The following APOL1 variants were observed in gnomAD, a reference collection of about 807,000 sequenced individuals.
APOL1 encodes apolipoprotein L1, also known as apolipoprotein L 1.
APOL1 carries 17 observed loss-of-function variants against 14.9 expected under a neutral mutation model. That is an observed-to-expected ratio of 1.14 (90% CI 0.78 to 1.71). APOL1 has a LOEUF of 1.71. Ranked by LOEUF, APOL1 falls within the 40% of genes most tolerant of loss-of-function variation. APOL1 has a pLI of 0.00. For synonymous variants in APOL1, 195 were observed against 184.8 expected, an observed-to-expected ratio of 1.05 and a Z score of -0.45; for missense variants, 523 against 485.9, an observed-to-expected ratio of 1.08 and a Z score of -0.72.
At position 36,265,054 on chromosome 22, in the gene APOL1, A is replaced by G. The variant is rs558943825; in HGVS notation, c.315-97A>G. 67 of 1,457,220 alleles carry G rather than the reference A, an allele frequency of 4.6e-5. 2 individuals are homozygous for G. The South Asian group carries it at 5.2e-4, about 11-fold the overall frequency. 90.3% of individuals were successfully genotyped at this position (1,457,220 alleles called of 1,614,324 possible). ...TCTCAATCTCCTGACCTTGTGATCCACCCGCCTTGGCCTCCCAAAGTGCTG... is the reference window on the plus strand; with the variant it reads ...TCTCAATCTCCTGACCTTGTGATCCGCCCGCCTTGGCCTCCCAAAGTGCTG... On this transcript the variant is annotated intron_variant, in intron 5 of 5. Transcript: ENST00000397278.
intron 4 of APOL1, chr22:36,259,880 G>A: frequency 7.7e-7 from 1 of 1,303,284 alleles, no homozygotes; most frequent in Non-Finnish European, 1.0e-6. Context: ...ATGCTGTGGA[G>A]TTTGAGACAT....
rs531425087 is a variant in APOL1 at position 36,266,731 on chromosome 22, C to T, written c.*698C>T. ...CCATCCTGGCTAACACAGTGAAACC[C>T]CGTCTCTACTAAAAATACAAAAAAT... On this transcript the variant is annotated 3_prime_UTR_variant, in exon 6 of 6. Transcript: ENST00000397278. 60 of 337,626 alleles carry T rather than the reference C, an allele frequency of 1.8e-4. No individual in the cohort carries two copies. The highest frequency in any genetic ancestry group is 1.6e-3 in the Middle Eastern group (2 of 1,234). 20.9% of individuals were successfully genotyped at this position (337,626 alleles called of 1,614,324 possible).
At chr22:36,254,154 C>T (rs1439975372) in intron 1 of APOL1, among the ~76,000 whole-genome samples, 1 of 152,146 alleles carries the variant, frequency 6.6e-6, no homozygotes, top group Non-Finnish European at 1.5e-5. Context: ...CTGTGTGACT[C>T]TGGGAAATTC....
chr22:36,262,328 C>T (rs1006576624), intron 5 of APOL1, among the ~76,000 whole-genome samples: 1 of 152,162 alleles, frequency 6.6e-6, no homozygotes, highest in African/African-American at 2.4e-5. Flanking sequence ...AGTTGCACAG[C>T]GCTGGGTCTC....
rs2015741974 is a variant in APOL1, at chr22:36,253,170, G to A, written c.-69G>A. On this transcript the variant is annotated 5_prime_UTR_variant, in exon 1 of 6. Coordinates refer to ENST00000397278, the MANE Select transcript of APOL1 (RefSeq NM_003661.4). ...CATAACTGGAGGTGGGATCCACACA[G>A]CTCAGAACAGCTGGATCTTGCTCAG... The A allele has an allele frequency of 4.0e-6, 2 of 505,498 alleles. No homozygotes were observed. The highest frequency in any genetic ancestry group is 2.0e-5 in the Admixed American group (1 of 48,960). 31.3% of individuals were successfully genotyped at this position (505,498 alleles called of 1,614,324 possible). A position where few individuals can be genotyped will look rare whatever the true frequency, so the allele number is the denominator to read the frequency against.
intron 2 of APOL1, 58 bp from the exon 3 acceptor site, chr22:36,257,025 T>G (rs965491865): frequency 1.3e-5 from 20 of 1,585,058 alleles, no homozygotes; most frequent in Non-Finnish European, 1.7e-5. Context: ...CTCTGTAGTT[T>G]CTGTAATGAT....
At chr22:36,258,756 G>A (rs2015975872) in intron 4 of APOL1, among the ~76,000 whole-genome samples, 1 of 152,134 alleles carries the variant, frequency 6.6e-6, no homozygotes, top group African/African-American at 2.4e-5. Flanking sequence ...GAAGAGGTGG[G>A]GATTTCTTGG....
chr22:36,261,279 A>G (rs1326040706), intron 4 of APOL1, among the ~76,000 whole-genome samples: 4 of 152,216 alleles, frequency 2.6e-5, no homozygotes, highest in African/African-American at 9.6e-5. Context: ...GTGTGCTCAC[A>G]CAGTCTTCTT....
intron 1 of APOL1, chr22:36,253,907 A>G: frequency 1.9e-6 from 3 of 1,610,558 alleles, no homozygotes; most frequent in Non-Finnish European, 2.5e-6. Flanking sequence ...GAGACAGGGG[A>G]GTGAGAAGGG....
intron 4 of APOL1, among the ~76,000 whole-genome samples, chr22:36,260,552 C>T (rs1400398052): frequency 6.6e-6 from 1 of 152,244 alleles, no homozygotes; most frequent in Admixed American, 6.5e-5. Context: ...TGGCAGCTGA[C>T]TTCAGGAGTA....
intron 5 of APOL1, among the ~76,000 whole-genome samples, chr22:36,264,755 T>C (rs2016177101): frequency 6.6e-6 from 1 of 152,142 alleles, no homozygotes. Flanking sequence ...GCTCTGCAAT[T>C]TACACAGGAT....
intron 2 of APOL1, among the ~76,000 whole-genome samples, chr22:36,256,584 A>G (rs1040563629): frequency 2.0e-5 from 3 of 152,316 alleles, no homozygotes; most frequent in East Asian, 3.9e-4. Flanking sequence ...TAGAGAAGCA[A>G]CGGGGACACA....
intron 5 of APOL1, among the ~76,000 whole-genome samples, chr22:36,263,982 G>T (rs376438934): frequency 2.0e-5 from 3 of 152,266 alleles, no homozygotes; most frequent in Admixed American, 6.5e-5. Flanking sequence ...AGACAGCAAG[G>T]GGGGAAGACC....
intron 4 of APOL1, 187 bp downstream of exon 4, chr22:36,257,594 C>G: frequency 1.6e-6 from 1 of 637,274 alleles, no homozygotes; most frequent in South Asian, 1.8e-5. Flanking sequence ...GCATCCTGAC[C>G]TCTCCTTAGG....
At chr22:36,256,822 C>T (rs2015895693) in intron 2 of APOL1, among the ~76,000 whole-genome samples, 3 of 152,198 alleles carry the variant, frequency 2.0e-5, no homozygotes, top group Non-Finnish European at 2.9e-5. Flanking sequence ...TTTGTGGATT[C>T]CTCTGTGTTT....
chr22:36,262,021 T>C (rs1021741465), intron 5 of APOL1, among the ~76,000 whole-genome samples: 38 of 152,372 alleles, frequency 2.5e-4, no homozygotes, highest in South Asian at 1.0e-3. Flanking sequence ...TGGAGTTTTA[T>C]TGTGAGAAAA....
At chr22:36,254,708 A>G (rs2146294261) in intron 1 of APOL1, among the ~76,000 whole-genome samples, 1 of 152,120 alleles carries the variant, frequency 6.6e-6, no homozygotes, top group East Asian at 1.9e-4. Context: ...TAAAAATACA[A>G]AAAAATTAGC....
chr22:36,264,810 CT>C (rs368899919), intron 5 of APOL1, among the ~76,000 whole-genome samples: 16,817 of 120,178 alleles, frequency 0.14, 509 homozygotes, highest in Non-Finnish European at 0.2. Flanking sequence ...AACTGCATTT[CT>C]TTTTTTTTTT....
chr22:36,255,049 G>A, intron 2 of APOL1, 50 bp downstream of exon 2: 1 of 1,582,248 alleles, frequency 6.3e-7, no homozygotes, highest in South Asian at 1.1e-5. Flanking sequence ...CCCTGTCTGG[G>A]CTGCACAATT....
Sources: gnomAD v4.1 joint callset for allele counts (sites outside exome capture counted in the v4.1 genomes callset) on GRCh38, gnomAD v4.1.1 for gene constraint, MANE v1.5 for transcripts, NCBI Gene and HGNC (gene_info 2026-07-23, HGNC 2026-07-21) for gene names.